Variants in EMC8 observed in about 807,000 individuals in gnomAD.
EMC8 encodes ER membrane protein complex subunit 8.
Under a neutral mutation model 24.3 loss-of-function variants are expected in EMC8, and 11 were observed. The ratio of observed to expected loss-of-function variants is 0.45; its 90% CI spans 0.28 to 0.75. The LOEUF (loss-of-function observed/expected upper bound fraction) is 0.75, where lower values mean the gene tolerates loss of function less well. EMC8 is among the 30% of genes least tolerant of loss of function. The probability of loss-of-function intolerance (pLI) is 0.12; values close to 1 mark genes in which losing one functional copy is unlikely to be tolerated. For missense variants in EMC8, 277 were observed against 282.7 expected (o/e 0.98, Z 0.14); for synonymous variants, 145 against 117.7 (o/e 1.23, Z -1.50).
At position 85,779,482 on chromosome 16, in the gene EMC8, TGA is replaced by T. The variant is rs1462667893; in HGVS notation, c.*224_*225del. ...TTGGAGGATTATAGCAACATACAAC[TGA>T]GAGAGTCCACAGGGACAGTCAGACG... On this transcript the variant is annotated 3_prime_UTR_variant, in exon 5 of 5. Coordinates refer to ENST00000253457, the MANE Select transcript of EMC8 (RefSeq NM_006067.5). 8 of 488,026 alleles carry T rather than the reference TGA, an allele frequency of 1.6e-5. No individual in the cohort carries two copies. Among genetic ancestry groups the T allele is most frequent in the East Asian group, 3.6e-5 (1 of 28,022 alleles). The allele number at this position is 488,026 out of a possible 1,614,324, so 30.2% of individuals were successfully genotyped here. A position where few individuals can be genotyped will look rare whatever the true frequency, so the allele number is the denominator to read the frequency against.
intron 1 of EMC8, among the ~76,000 whole-genome samples, chr16:85,797,558 A>G (rs2152077836): frequency 6.6e-6 from 1 of 152,332 alleles, no homozygotes; most frequent in East Asian, 1.9e-4. Context: ...TCTGAATCCT[A>G]CCCGGAAATG....
At chr16:85,786,618 T>A (rs532386312) in intron 2 of EMC8, among the ~76,000 whole-genome samples, 5 of 152,138 alleles carry the variant, frequency 3.3e-5, no homozygotes, top group African/African-American at 1.2e-4. Context: ...CTAAGGTTTA[T>A]CCTCTCTACA....
At position 85,779,540 on chromosome 16, in the gene EMC8, G is replaced by GT. The variant is rs1555595022; in HGVS notation, c.*167dup. 2.5e-5 allele frequency: 16 copies of GT among 638,732 alleles called. No homozygotes were observed. The highest frequency in any genetic ancestry group is 4.0e-5 in the Non-Finnish European group (15 of 370,896). 39.6% of individuals were successfully genotyped at this position (638,732 alleles called of 1,614,324 possible). On this transcript the variant is annotated 3_prime_UTR_variant, in exon 5 of 5. Coordinates refer to ENST00000253457, the MANE Select transcript of EMC8 (RefSeq NM_006067.5). ...TCTGCACCTCTTCTAGAGACTCTGT[G>GT]TTAAAAACACGACCGACTGAACATT...
rs918501059 is a variant in EMC8, at chr16:85,799,515, C to T, written c.-220G>A. On this transcript the variant is annotated 5_prime_UTR_variant, in exon 1 of 5. Transcript: ENST00000253457. This position sits in a 1 kb window ranked among gnomAD's most constrained non-coding sequence, Gnocchi z 4.2. The stretch of plus-strand genomic sequence containing the variant: ...GGAAGCCGCAGCCCCAGACTCCAGT[C>T]GCGCTTCTCGCCCGGCGCCGCCGGA... The T allele has an allele frequency of 1.0e-5, 4 of 383,870 alleles. No homozygotes were observed. The highest frequency in any genetic ancestry group is 7.8e-5 in the East Asian group (2 of 25,520). 23.8% of individuals were successfully genotyped at this position (383,870 alleles called of 1,614,324 possible). A position where few individuals can be genotyped will look rare whatever the true frequency, so the allele number is the denominator to read the frequency against.
intron 2 of EMC8, among the ~76,000 whole-genome samples, chr16:85,785,874 C>G (rs191114720): frequency 1.3e-5 from 2 of 152,310 alleles, no homozygotes; most frequent in East Asian, 3.9e-4. Flanking sequence ...AAAGCTTCCT[C>G]CTGAGTGTCT....
chr16:85,794,554 C>T (rs1043647507), intron 1 of EMC8, among the ~76,000 whole-genome samples: 5 of 152,072 alleles, frequency 3.3e-5, no homozygotes, highest in Non-Finnish European at 7.3e-5. Context: ...CCGTGCGTGG[C>T]GGTGTGCGCT....
intron 1 of EMC8, among the ~76,000 whole-genome samples, chr16:85,796,983 A>G (rs930637564): frequency 6.6e-6 from 1 of 152,146 alleles, no homozygotes; most frequent in Non-Finnish European, 1.5e-5. Context: ...CGGGCCTGGC[A>G]CAAAGCAGAT....
intron 2 of EMC8, among the ~76,000 whole-genome samples, chr16:85,788,695 G>C (rs912714766): frequency 1.3e-5 from 2 of 152,166 alleles, no homozygotes; most frequent in Non-Finnish European, 2.9e-5. Flanking sequence ...GCTGAGCAGG[G>C]ACAGAAGTCG....
At chr16:85,780,236 G>A in intron 4 of EMC8, 143 bp downstream of exon 4, 1 of 664,870 alleles carries the variant, frequency 1.5e-6, no homozygotes, top group East Asian at 2.7e-5. Context: ...TGGAACACTG[G>A]GGCCTACAGG....
At position 85,799,153 on chromosome 16, in the gene EMC8, C is replaced by T; in HGVS notation, c.143G>A (p.Gly48Asp). 4 of 1,606,348 alleles carry T rather than the reference C, an allele frequency of 2.5e-6. No individual in the cohort carries two copies. The highest frequency in any genetic ancestry group is 3.4e-6 in the Non-Finnish European group (4 of 1,176,686). Residue 48 changes from glycine (G) to aspartate (D), a missense_variant, in exon 1 of 5, where the codon GGC becomes GAC. Coordinates refer to ENST00000253457, the MANE Select transcript of EMC8 (RefSeq NM_006067.5). The surrounding 1 kb of genome is among the most constrained non-coding windows in gnomAD (Gnocchi z 4.2). ...GTCCACGAAGAGGGTGTGGTGGGCG[C>T]CGGGGCCGCCCAGGGGGAGGTGCTC... ...RKEHLPLGGPGAHHTLFVDCI... is the reference protein window; with the variant it reads ...RKEHLPLGGPDAHHTLFVDCI...
At chr16:85,783,386 G>T (rs988517023) in intron 2 of EMC8, among the ~76,000 whole-genome samples, 2 of 152,124 alleles carry the variant, frequency 1.3e-5, no homozygotes, top group Non-Finnish European at 2.9e-5. Context: ...CACAAACTCC[G>T]GGTCTCAATC....
intron 2 of EMC8, chr16:85,784,412 T>C (rs1597201685): frequency 6.6e-6 from 1 of 152,256 alleles, no homozygotes; most frequent in Admixed American, 6.5e-5. Flanking sequence ...AAATTAATAA[T>C]GTTTTTAAAA....
chr16:85,780,045 A>C (rs1904414926), intron 4 of EMC8, 178 bp from the exon 5 acceptor site: 2 of 617,100 alleles, frequency 3.2e-6, no homozygotes, highest in East Asian at 5.5e-5. Flanking sequence ...AGACATGGTT[A>C]ATACATGGAA....
intron 1 of EMC8, among the ~76,000 whole-genome samples, chr16:85,789,566 CG>C (rs1242421110): frequency 6.6e-6 from 1 of 151,896 alleles, no homozygotes; most frequent in Non-Finnish European, 1.5e-5. Flanking sequence ...CTGAGGTGGG[CG>C]GATCACCTGA....
chr16:85,783,425 C>G (rs1478651920), intron 2 of EMC8, among the ~76,000 whole-genome samples: 4 of 152,236 alleles, frequency 2.6e-5, no homozygotes, highest in Non-Finnish European at 5.9e-5. Flanking sequence ...TCACAAGCAG[C>G]TGGGACCACA....
In EMC8 at chr16:85,781,242, G is replaced by A; in HGVS notation, c.347C>T (p.Ala116Val). The change falls in exon 3 of 5, where the codon GCC becomes GTC. Residue 116 changes from alanine to valine, a missense_variant. Transcript: ENST00000253457. ...QVAEKVASRI[A>V]EGFSDTALIM... ...GAGCGCAGTGTCGCTGAAGCCCTCG[G>A]CGATTCTGGAGGCCACCTTCTCTGC... 1 of 1,613,846 alleles carries A rather than the reference G, an allele frequency of 6.2e-7. No homozygotes were observed. Among genetic ancestry groups the A allele is most frequent in the Admixed American group, 1.7e-5 (1 of 60,002 alleles).
intron 2 of EMC8, among the ~76,000 whole-genome samples, chr16:85,782,484 C>G (rs1301965227): frequency 6.6e-6 from 1 of 152,194 alleles, no homozygotes; most frequent in Admixed American, 6.5e-5. Context: ...TATTTATATT[C>G]TTTCTGTGCC....
intron 3 of EMC8, chr16:85,780,720 C>T (rs1904451671): frequency 1.8e-6 from 1 of 548,658 alleles, no homozygotes; most frequent in South Asian, 2.1e-5. Flanking sequence ...CTTCTTCCCT[C>T]ATCCTAGGAT....
At chr16:85,796,348 C>A (rs150616703) in intron 1 of EMC8, among the ~76,000 whole-genome samples, 3 of 152,290 alleles carry the variant, frequency 2.0e-5, no homozygotes, top group African/African-American at 7.2e-5. Flanking sequence ...GTCACCAAGA[C>A]CTGTGGATTC....
Sources: allele counts gnomAD v4.1 joint callset (sites outside exome capture counted in the v4.1 genomes callset), GRCh38; gene constraint gnomAD v4.1.1; non-coding constraint Gnocchi (gnomAD v3.1); transcripts MANE v1.5; gene names NCBI Gene and HGNC (gene_info 2026-07-23, HGNC 2026-07-21).